Variants in CYREN observed in about 807,000 individuals in gnomAD.
CYREN encodes the protein cell cycle regulator of NHEJ.
CYREN carries 7 observed loss-of-function variants against 9.7 expected under a neutral mutation model. The observed-to-expected ratio is 0.72, with a 90% CI of 0.41 to 1.36. The LOEUF (loss-of-function observed/expected upper bound fraction) is 1.36, where lower values mean the gene tolerates loss of function less well. Ranked by LOEUF, CYREN falls within the 40% of genes most tolerant of loss-of-function variation. CYREN has a pLI of 0.01. For synonymous variants in CYREN, 76 were observed against 77.9 expected, an observed-to-expected ratio of 0.98 and a Z score of 0.13; for missense variants, 215 against 198.1, an observed-to-expected ratio of 1.09 and a Z score of -0.51.
At chr7:135,140,703 T>A (rs1188376128) in intron 2 of CYREN, among the ~76,000 whole-genome samples, 1 of 152,130 alleles carries the variant, frequency 6.6e-6, no homozygotes, top group African/African-American at 2.4e-5. Context: ...AGGTTTATCA[T>A]AGGTGGCTCT....
At chr7:135,096,563 AGATAGATAGATAGATAGATACAT>A (rs772478914) in intron 2 of CYREN, among the ~76,000 whole-genome samples, 17,159 of 89,970 alleles carry the variant, frequency 0.19, 1,541 homozygotes, top group Middle Eastern at 0.29. Flanking sequence ...AAAGAAAGAT[AGATAGATAGATAGATAGATACAT>A]AGATAGATAG....
chr7:135,167,976 C>T, intron 2 of CYREN, 169 bp from the exon 3 acceptor site: 1 of 1,212,754 alleles, frequency 8.2e-7, no homozygotes, highest in South Asian at 1.5e-5. Flanking sequence ...CTCAGCCTTG[C>T]AGCCCAGTGA....
At chr7:135,152,379 G>T (rs1829685828) in intron 2 of CYREN, among the ~76,000 whole-genome samples, 1 of 152,242 alleles carries the variant, frequency 6.6e-6, no homozygotes, top group Admixed American at 6.5e-5. Context: ...CAGGCCCCCA[G>T]TTAGAGGTAG....
At chr7:135,167,032 A>C (rs1313045686) in intron 3 of CYREN, 161 bp from the exon 4 acceptor site, 2 of 984,302 alleles carry the variant, frequency 2.0e-6, no homozygotes, top group Non-Finnish European at 2.4e-6. Context: ...TCTTCACCCC[A>C]CTCCTTCCCC....
chr7:135,153,816 C>T (rs1829721634), intron 2 of CYREN, among the ~76,000 whole-genome samples: 2 of 152,118 alleles, frequency 1.3e-5, no homozygotes, highest in African/African-American at 4.8e-5. Context: ...CTGCTGTGTC[C>T]TTGTCTGGTT....
rs112820032 is a variant in CYREN, at chr7:135,119,527, T to C, written n.357-24945A>G. On this transcript the variant is annotated intron_variant and non_coding_transcript_variant, in intron 2 of 2. Coordinates refer to the CYREN transcript ENST00000459937. Reference sequence around the variant, plus strand: ...TTACAGGCATGAGCCACCATGCCCATTCCCCAAAATTTAACTTCTGAAAAT... The same window carrying C: ...TTACAGGCATGAGCCACCATGCCCACTCCCCAAAATTTAACTTCTGAAAAT... Among the ~76,000 whole-genome samples, 320 of 149,262 alleles carry C rather than the reference T, an allele frequency of 2.1e-3. 1 individual carries two copies. Among genetic ancestry groups the C allele is most frequent in the African/African-American group, 7.3e-3 (300 of 40,908 alleles).
chr7:135,122,867 C>T (rs562332980), intron 2 of CYREN, among the ~76,000 whole-genome samples: 10 of 152,196 alleles, frequency 6.6e-5, no homozygotes, highest in African/African-American at 2.4e-4. Flanking sequence ...AACAAACAAG[C>T]CCCCAGAAAA....
intron 2 of CYREN, among the ~76,000 whole-genome samples, chr7:135,121,866 G>A (rs1316159626): frequency 4.6e-5 from 7 of 152,144 alleles, no homozygotes; most frequent in Admixed American, 3.3e-4. Context: ...CTACCCAGCC[G>A]GGGAAACCGT....
At chr7:135,105,990 T>C (rs976155445) in intron 2 of CYREN, among the ~76,000 whole-genome samples, 3 of 152,184 alleles carry the variant, frequency 2.0e-5, no homozygotes, top group Admixed American at 2.0e-4. Flanking sequence ...TTTATTCTTC[T>C]TGTGGCTATT....
intron 2 of CYREN, among the ~76,000 whole-genome samples, chr7:135,107,276 T>A (rs1278587841): frequency 6.6e-6 from 1 of 152,234 alleles, no homozygotes; most frequent in Non-Finnish European, 1.5e-5. Context: ...GGTTTGCTCC[T>A]GCTTCTCTAG....
At chr7:135,148,376 G>A (rs1829592482) in intron 2 of CYREN, 2 of 323,106 alleles carry the variant, frequency 6.2e-6, no homozygotes, top group Admixed American at 4.6e-5. Context: ...ATCCACATAG[G>A]GGAACTCACT....
At chr7:135,127,550 T>A (rs1828060505) in intron 2 of CYREN, among the ~76,000 whole-genome samples, 1 of 146,382 alleles carries the variant, frequency 6.8e-6, no homozygotes. Flanking sequence ...AGTCTCCGTC[T>A]AAAAAAAAAA....
rs115395740 is a variant in CYREN, at chr7:135,125,351, G to A, written n.357-30769C>T. Reference sequence around the variant, plus strand: ...CCTCCCAAGACTAAACCAAGAAGTCGGATCCCTGAATAGACCAATAGCAAG... The same window carrying A: ...CCTCCCAAGACTAAACCAAGAAGTCAGATCCCTGAATAGACCAATAGCAAG... On this transcript the variant is annotated intron_variant and non_coding_transcript_variant, in intron 2 of 2. Coordinates refer to the CYREN transcript ENST00000459937. Among the ~76,000 whole-genome samples, 603 of 152,034 alleles carry A rather than the reference G, an allele frequency of 4.0e-3. 3 individuals are homozygous for A. The highest frequency in any genetic ancestry group is 0.013 in the African/African-American group (546 of 41,490).
intron 2 of CYREN, among the ~76,000 whole-genome samples, chr7:135,095,670 G>T (rs1380798823): frequency 6.6e-6 from 1 of 152,116 alleles, no homozygotes; most frequent in Non-Finnish European, 1.5e-5. Context: ...ACTGTTTTTT[G>T]TGCTAATTGG....
At chr7:135,148,419 A>T in intron 2 of CYREN, 4 of 304,688 alleles carry the variant, frequency 1.3e-5, no homozygotes, top group South Asian at 1.1e-4. Flanking sequence ...TCCCTCGCTC[A>T]TGTCTGTATA....
intron 1 of CYREN, among the ~76,000 whole-genome samples, chr7:135,169,731 T>C (rs891038516): frequency 7.2e-5 from 11 of 152,110 alleles, no homozygotes; most frequent in African/African-American, 2.4e-5. Context: ...CCCAGAGAGA[T>C]GGAGTTGTGA....
intron 2 of CYREN, among the ~76,000 whole-genome samples, chr7:135,144,938 TAAAAAAAAAA>T (rs58443282): frequency 4.8e-4 from 22 of 45,624 alleles, no homozygotes; most frequent in East Asian, 1.1e-3. Flanking sequence ...CTCAAAAGAG[TAAAAAAAAAA>T]AAAAAAAAAA....
Position 135,143,753 on chromosome 7 carries a change from A to AT in CYREN, n.356+24995dup, listed in dbSNP as rs1402778675. Reference sequence around the variant, plus strand: ...GCAGGGAGGGGAACCTGGTAGAAATATTTTTTAGAAAAACCCATTTAAAGT... The same window carrying AT: ...GCAGGGAGGGGAACCTGGTAGAAATATTTTTTTAGAAAAACCCATTTAAAGT... On this transcript the variant is annotated intron_variant and non_coding_transcript_variant, in intron 2 of 2. Coordinates refer to the CYREN transcript ENST00000459937. Among the ~76,000 whole-genome samples, 83 of 152,310 alleles carry AT rather than the reference A, an allele frequency of 5.4e-4. 1 individual carries two copies. Among genetic ancestry groups the AT allele is most frequent in the Non-Finnish European group, 2.6e-4 (18 of 68,032 alleles).
At position 135,093,219 on chromosome 7, in the gene CYREN, A is replaced by C. The variant is rs1585063620; in HGVS notation, n.1720T>G. On this transcript the variant is annotated non_coding_transcript_exon_variant, in exon 3 of 3. Transcript: ENST00000459937. ...GGCAAGAAAAAAAAAAAGGCATCCA[A>C]ATTAGAAAGAAAAAAGCGAAGCCAT... 2.6e-5 allele frequency: 4 copies of C among 152,050 alleles called. No individual in the cohort carries two copies. The South Asian group carries it at 6.2e-4, about 24-fold the overall frequency. The allele number at this position is 152,050 out of a possible 1,614,324, so 9.4% of individuals were successfully genotyped here. A position where few individuals can be genotyped will look rare whatever the true frequency, so the allele number is the denominator to read the frequency against.
Sources: gnomAD v4.1 joint callset for allele counts (sites outside exome capture counted in the v4.1 genomes callset) on GRCh38, gnomAD v4.1.1 for gene constraint, MANE v1.5 for transcripts, NCBI Gene and HGNC (gene_info 2026-07-23, HGNC 2026-07-21) for gene names.